The following SLC2A8 variants were observed in gnomAD, a reference collection of about 807,000 sequenced individuals.
SLC2A8 encodes solute carrier family 2 member 8, also known as solute carrier family 2, facilitated glucose transporter member 8.
Under a neutral mutation model 49.2 loss-of-function variants are expected in SLC2A8, and 53 were observed. The ratio of observed to expected loss-of-function variants is 1.08; its 90% confidence interval spans 0.86 to 1.35. The LOEUF is 1.35. Ranked by LOEUF, SLC2A8 falls within the 40% of genes most tolerant of loss-of-function variation. The pLI is 0.00. For missense variants in SLC2A8, 688 were observed against 671.7 expected, an observed-to-expected ratio of 1.02 and a Z score of -0.27; for synonymous variants, 299 against 297.0, an observed-to-expected ratio of 1.01 and a Z score of -0.07.
Position 127,405,062 on chromosome 9 carries a change from G to T in SLC2A8, c.1150+71G>T, listed in dbSNP as rs1027694074. On this transcript the variant is annotated intron_variant, in intron 8 of 9. Transcript: ENST00000373371. ...CCCCGGCCCTGCTGTGGCGGCTCCC[G>T]GCAGGTGGGGTCTTCCCCAGCCTCA... 1.0e-5 allele frequency: 15 copies of T among 1,493,990 alleles called. No individual in the cohort carries two copies. In the African/African-American group the frequency reaches 1.1e-4, roughly 11 times the overall value. The allele number at this position is 1,493,990 out of a possible 1,614,324, so 92.5% of individuals were successfully genotyped here.
chr9:127,407,005 G>A (rs1194604625), intron 9 of SLC2A8, 107 bp from the exon 10 acceptor site: 1 of 1,290,710 alleles, frequency 7.7e-7, no homozygotes, highest in East Asian at 2.3e-5. Flanking sequence ...GGCAGGGCAG[G>A]CTGGGGTCAG....
At chr9:127,405,194 C>T (rs529922811) in intron 8 of SLC2A8, among the ~76,000 whole-genome samples, 3 of 152,348 alleles carry the variant, frequency 2.0e-5, no homozygotes, top group Admixed American at 6.5e-5. Context: ...GAGCAGCCCT[C>T]GAGCAGGCCC....
chr9:127,402,767 A>T lies in SLC2A8; in HGVS notation c.723+14A>T. ...GGGGCTGAGCAGGTGAGAGGCTGGA[A>T]GGCAGAGCTGACAGGAGTGGGACAG... On this transcript the variant is annotated intron_variant, in intron 5 of 9. Coordinates refer to ENST00000373371, the MANE Select transcript of SLC2A8 (RefSeq NM_014580.5). 1 of 1,525,398 alleles carries T rather than the reference A, an allele frequency of 6.6e-7. No individual in the cohort carries two copies. 94.5% of individuals were successfully genotyped at this position (1,525,398 alleles called of 1,614,324 possible).
chr9:127,402,586 G>A lies in SLC2A8; in HGVS notation c.556G>A (p.Val186Met). 1.3e-6 allele frequency: 2 copies of A among 1,586,178 alleles called. No homozygotes were observed. Among genetic ancestry groups the A allele is most frequent in the East Asian group, 2.3e-5 (1 of 43,880 alleles). Residue 186 changes from valine (V) to methionine (M), a missense_variant, in exon 5 of 10, where the codon GTG becomes ATG. Val to Met is a conservative substitution (Grantham distance 21). Coordinates refer to ENST00000373371, the MANE Select transcript of SLC2A8 (RefSeq NM_014580.5). ...GWVLEWRWLA[V>M]LGCVPPSLML... The stretch of plus-strand genomic sequence containing the variant: ...GGTGCTGGAGTGGCGCTGGCTGGCT[G>A]TGCTGGGCTGCGTGCCCCCCTCCCT...
chr9:127,397,906 C>G lies in SLC2A8; in HGVS notation c.221C>G (p.Ala74Gly). 6.6e-7 allele frequency: 1 copy of G among 1,518,568 alleles called. No homozygotes were observed. Among genetic ancestry groups the G allele is most frequent in the Non-Finnish European group, 8.8e-7 (1 of 1,139,874 alleles). 94.1% of individuals were successfully genotyped at this position (1,518,568 alleles called of 1,614,324 possible). The change falls in exon 3 of 10, where the codon GCT (alanine) becomes GGT (glycine). Residue 74 changes from alanine (A) to glycine (G), a missense_variant and splice_region_variant. Ala to Gly is a moderately conservative substitution (Grantham distance 60). Coordinates refer to ENST00000373371, the MANE Select transcript of SLC2A8 (RefSeq NM_014580.5). ...TCCTCAGCAGCCGCCCGCCTCCAGG[C>G]TGTCGTGACCCTGGGTGCCGCGGCG... is the stretch of plus-strand genomic sequence containing the variant. The part of the protein sequence containing the change: ...LDDAAASWFG[A>G]VVTLGAAAGG...
At position 127,399,610 on chromosome 9, in the gene SLC2A8, T is replaced by C. The variant is rs926317811; in HGVS notation, c.427-297T>C. On this transcript the variant is annotated intron_variant, in intron 3 of 9. Transcript: ENST00000373371. The surrounding 1 kb of genome is among the most constrained non-coding windows in gnomAD (Gnocchi z 4.2). ...ATTTTTATTTAAAAATTTCGGAGTT[T>C]CGCTCTTGTTGCCCAGGCTGGAGTG... Among the ~76,000 whole-genome samples, 1 of 151,508 alleles carries C rather than the reference T, an allele frequency of 6.6e-6. No individual in the cohort carries two copies. Among genetic ancestry groups the C allele is most frequent in the African/African-American group, 2.4e-5 (1 of 41,130 alleles).
chr9:127,407,642 C>T lies in SLC2A8; in HGVS notation c.*393C>T. On this transcript the variant is annotated 3_prime_UTR_variant, in exon 10 of 10. Transcript: ENST00000373371. ...CCTTATCGGGAAGGAAATTTGTTTG[C>T]CAAATAAAGACTGACACAGAAAATC... 1 of 353,578 alleles carries T rather than the reference C, an allele frequency of 2.8e-6. No homozygotes were observed. Among genetic ancestry groups the T allele is most frequent in the Non-Finnish European group, 5.9e-6 (1 of 169,822 alleles). The allele number at this position is 353,578 out of a possible 1,614,324, so 21.9% of individuals were successfully genotyped here.
Position 127,402,995 on chromosome 9 carries a change from T to C in SLC2A8, c.723+242T>C, listed in dbSNP as rs542356930. Among the ~76,000 whole-genome samples the C allele has an allele frequency of 2.3e-3, 352 of 152,304 alleles. 1 individual carries two copies. The highest frequency in any genetic ancestry group is 3.8e-3 in the Non-Finnish European group (260 of 68,018). On this transcript the variant is annotated intron_variant, in intron 5 of 9. Transcript: ENST00000373371. ...GCAAAGCCCGAGCTTTGACCCTTAC[T>C]GTCCCAGGAAGAGAATGGCCAGGCC...
At chr9:127,405,702 T>C (rs1283086627) in intron 9 of SLC2A8, 137 bp downstream of exon 9, 1 of 1,253,316 alleles carries the variant, frequency 8.0e-7, no homozygotes, top group African/African-American at 1.5e-5. Flanking sequence ...CCACTGGCCA[T>C]CTTGGGCAAG....
intron 9 of SLC2A8, among the ~76,000 whole-genome samples, chr9:127,406,666 A>G (rs1340428383): frequency 1.4e-5 from 1 of 72,018 alleles, no homozygotes; most frequent in Non-Finnish European, 3.8e-5. Context: ...TGAAGGCCCC[A>G]TGTGCTCCTG....
Position 127,397,356 on chromosome 9 carries a change from C to T in SLC2A8, c.57-20C>T, listed in dbSNP as rs778510656. The stretch of plus-strand genomic sequence containing the variant: ...GCCCCTCCGCGTCCGCTCCGCTCAC[C>T]CTCGGCCCTGTCCCCCCAGCGCGCC... On this transcript the variant is annotated intron_variant, in intron 1 of 9. Transcript: ENST00000373371. 1.4e-6 allele frequency: 2 copies of T among 1,445,466 alleles called. No homozygotes were observed. Among genetic ancestry groups the T allele is most frequent in the Non-Finnish European group, 1.8e-6 (2 of 1,108,802 alleles). The allele number at this position is 1,445,466 out of a possible 1,614,324, so 89.5% of individuals were successfully genotyped here. A position where few individuals can be genotyped will look rare whatever the true frequency, so the allele number is the denominator to read the frequency against.
At chr9:127,407,061 G>T (rs1175723090) in intron 9 of SLC2A8, 51 bp from the exon 10 acceptor site, 1 of 1,602,874 alleles carries the variant, frequency 6.2e-7, no homozygotes, top group Non-Finnish European at 8.5e-7. Flanking sequence ...GATCGCGTGG[G>T]GCTTCCTGAT....
chr9:127,402,837 T>G (rs900090576), intron 5 of SLC2A8, 84 bp downstream of exon 5: 3 of 1,411,760 alleles, frequency 2.1e-6, no homozygotes, highest in Non-Finnish European at 2.8e-6. Context: ...GCCACACACT[T>G]GGGGGGTGGG....
chr9:127,406,899 G>A (rs957735774), intron 9 of SLC2A8, among the ~76,000 whole-genome samples: 22 of 152,198 alleles, frequency 1.4e-4, no homozygotes, highest in African/African-American at 5.3e-4. Context: ...TACGACCTCG[G>A]TATCTTGGAC....
Position 127,397,419 on chromosome 9 carries a change from GC to G in SLC2A8, c.103del (p.Leu35TrpfsTer42). On this transcript the variant is annotated frameshift_variant, in exon 2 of 10. Coordinates refer to ENST00000373371, the MANE Select transcript of SLC2A8 (RefSeq NM_014580.5). LOFTEE classifies it high-confidence loss of function. ...CGTCTTCCTCGCCGCCTTCGCCGCT[GC>G]CCTGGGCCCACTCAGCTTCGGCTTC... Reference protein sequence around the residue: ...RRVFLAAFAAALGPLSFGFAL... With the variant: ...RRVFLAAFAAXLGPLSFGFAL... The G allele has an allele frequency of 6.7e-7, 1 of 1,485,184 alleles. No individual in the cohort carries two copies. 92.0% of individuals were successfully genotyped at this position (1,485,184 alleles called of 1,614,324 possible).
chr9:127,402,256 G>A, intron 4 of SLC2A8: 1 of 355,880 alleles, frequency 2.8e-6, no homozygotes. Context: ...ATCATACCAT[G>A]CGGACACGCA....
At position 127,397,968 on chromosome 9, in the gene SLC2A8, G is replaced by A. The variant is rs1344594094; in HGVS notation, c.283G>A (p.Gly95Arg). 3.9e-6 allele frequency: 6 copies of A among 1,537,040 alleles called. No individual in the cohort carries two copies. Among genetic ancestry groups the A allele is most frequent in the South Asian group, 3.6e-5 (3 of 84,194 alleles). Residue 95 changes from glycine (G) to arginine (R), a missense_variant, in exon 3 of 10, where the codon GGG becomes AGG. Transcript: ENST00000373371. ...VLGGWLVDRA[G>R]RKLSLLLCSV... Reference sequence around the variant, plus strand: ...GGGCGGCTGGCTGGTGGACCGCGCCGGGCGCAAGCTGAGCCTCTTGCTGTG... The same window carrying A: ...GGGCGGCTGGCTGGTGGACCGCGCCAGGCGCAAGCTGAGCCTCTTGCTGTG...
chr9:127,399,922 A>C lies in SLC2A8; in HGVS notation c.442A>C (p.Ile148Leu). The C allele has an allele frequency of 6.2e-7, 1 of 1,613,584 alleles. No individual in the cohort carries two copies. The highest frequency in any genetic ancestry group is 1.3e-5 in the African/African-American group (1 of 74,948). ...TTGCTGGCAGGTCTACATCTCCGAA[A>C]TCGCCTACCCAGCAGTCCGGGGGTT... is the stretch of plus-strand genomic sequence containing the variant. ...SLVAPVYISE[I>L]AYPAVRGLLG... Residue 148 changes from isoleucine (I) to leucine (L), a missense_variant, in exon 4 of 10, where the codon ATC (isoleucine) becomes CTC (leucine). By Grantham distance (5) the Ile-to-Leu change is conservative. Coordinates refer to ENST00000373371, the MANE Select transcript of SLC2A8 (RefSeq NM_014580.5). The surrounding 1 kb of genome is among the most constrained non-coding windows in gnomAD (Gnocchi z 4.2).
At position 127,397,487 on chromosome 9, in the gene SLC2A8, C is replaced by T; in HGVS notation, c.168C>T (p.Arg56=). 5.5e-6 allele frequency: 8 copies of T among 1,465,004 alleles called. No homozygotes were observed. The highest frequency in any genetic ancestry group is 7.2e-6 in the Non-Finnish European group (8 of 1,117,918). The allele number at this position is 1,465,004 out of a possible 1,614,324, so 90.8% of individuals were successfully genotyped here. A position where few individuals can be genotyped will look rare whatever the true frequency, so the allele number is the denominator to read the frequency against. The change falls in exon 2 of 10, where the codon CGC becomes CGT. Residue 56 remains arginine (R), a synonymous_variant. Coordinates refer to ENST00000373371, the MANE Select transcript of SLC2A8 (RefSeq NM_014580.5). ...YSSPAIPSLQ[R]AAPPAPRLDD... ...CCCCGGCCATCCCTAGCCTGCAGCGCGCCGCGCCCCCGGCCCCGCGCCTGG... is the reference window on the plus strand; with the variant it reads ...CCCCGGCCATCCCTAGCCTGCAGCGTGCCGCGCCCCCGGCCCCGCGCCTGG...
Sources: gnomAD v4.1 joint callset for allele counts (sites outside exome capture counted in the v4.1 genomes callset) on GRCh38, gnomAD v4.1.1 for gene constraint, Gnocchi (gnomAD v3.1) non-coding constraint, MANE v1.5 for transcripts, NCBI Gene and HGNC (gene_info 2026-07-23, HGNC 2026-07-21) for gene names.